Variants in CEP112 observed in about 807,000 individuals in gnomAD.
CEP112 encodes centrosomal protein 112, also known as centrosomal protein of 112 kDa.
A neutral mutation model predicts 153.0 loss-of-function variants in CEP112; 127 were observed. That is an observed-to-expected ratio of 0.83 (90% CI 0.72 to 0.96). The LOEUF (loss-of-function observed/expected upper bound fraction) is 0.96. Ranked by LOEUF, CEP112 falls within the 40% of genes least tolerant of loss-of-function variation. CEP112 has a pLI of 0.00. For synonymous variants in CEP112, 358 were observed against 374.4 expected (o/e 0.96, Z 0.51); for missense variants, 1,089 against 1,101.2 (o/e 0.99, Z 0.16).
intron 22 of CEP112, among the ~76,000 whole-genome samples, chr17:65,743,622 A>C (rs1042246210): frequency 1.3e-5 from 2 of 152,228 alleles, no homozygotes; most frequent in African/African-American, 4.8e-5. Flanking sequence ...TAATGAACAG[A>C]GTTTATTCTT....
intron 17 of CEP112, among the ~76,000 whole-genome samples, chr17:65,991,240 T>C (rs772025989): frequency 5.7e-4 from 87 of 152,348 alleles, no homozygotes; most frequent in Non-Finnish European, 1.0e-3. Flanking sequence ...TATAATTCAT[T>C]GAATTCTAGG....
chr17:65,808,138 A>G (rs190286542), intron 21 of CEP112, among the ~76,000 whole-genome samples: 1 of 152,280 alleles, frequency 6.6e-6, no homozygotes, highest in East Asian at 1.9e-4. Flanking sequence ...TTCAAAGGAG[A>G]TTATTTTGGA....
intron 18 of CEP112, among the ~76,000 whole-genome samples, chr17:65,943,202 C>G (rs1417620377): frequency 1.3e-5 from 2 of 152,224 alleles, no homozygotes; most frequent in African/African-American, 4.8e-5. Context: ...CTAGTGTTCT[C>G]AACAAGAAAA....
rs3056819 is a variant in CEP112, at chr17:66,092,356, A to AAC, written c.768+3893_768+3894dup. ...AGTCCGGCCTTGAAGCATTAATTTAAACACACACACACACACACACACACA... is the reference window on the plus strand; with the variant it reads ...AGTCCGGCCTTGAAGCATTAATTTAAACACACACACACACACACACACACACA... On this transcript the variant is annotated intron_variant, in intron 8 of 26. Transcript: ENST00000535342. 5.2e-3 allele frequency among the ~76,000 whole-genome samples: 699 copies of AAC among 135,118 alleles called. 3 individuals carry two copies. The highest frequency in any genetic ancestry group is 0.018 in the Middle Eastern group (5 of 272). The allele number at this position is 135,118 out of a possible 152,430, so 88.6% of individuals were successfully genotyped here.
chr17:65,868,181 T>C (rs1296667611), intron 20 of CEP112, among the ~76,000 whole-genome samples: 1 of 152,146 alleles, frequency 6.6e-6, no homozygotes, highest in Non-Finnish European at 1.5e-5. Flanking sequence ...AAATAAAATA[T>C]CTCATTTTAC....
intron 21 of CEP112, among the ~76,000 whole-genome samples, chr17:65,848,462 C>T (rs963445488): frequency 2.6e-5 from 4 of 152,070 alleles, no homozygotes; most frequent in East Asian, 1.9e-4. Flanking sequence ...CTTCTACCTT[C>T]GTGACCCTTC....
chr17:65,932,522 T>G (rs1460474893), intron 18 of CEP112, among the ~76,000 whole-genome samples: 2 of 151,308 alleles, frequency 1.3e-5, no homozygotes, highest in Non-Finnish European at 2.9e-5. Context: ...GCCCTGAGAG[T>G]GGAATTTATA....
rs576173614 is a variant in CEP112 at position 65,784,590 on chromosome 17, C to T, written c.2395-33866G>A. ...CTGCCTCCCGGGTTCACGCCATTCT[C>T]CTGCCTTAGCCTCCTGAGTAGCTGG... On this transcript the variant is annotated intron_variant, in intron 21 of 26. Coordinates refer to ENST00000535342, the MANE Select transcript of CEP112 (RefSeq NM_001199165.4). Among the ~76,000 whole-genome samples, 5 of 152,284 alleles carry T rather than the reference C, an allele frequency of 3.3e-5. No homozygotes were observed. The East Asian group carries it at 9.7e-4, about 29-fold the overall frequency.
chr17:65,858,526 A>T (rs939697169), intron 20 of CEP112, among the ~76,000 whole-genome samples: 4 of 151,994 alleles, frequency 2.6e-5, no homozygotes, highest in African/African-American at 9.7e-5. Flanking sequence ...GATCTGGAAT[A>T]TATCCTTTTT....
chr17:66,184,613 G>A (rs1455606079), intron 1 of CEP112, among the ~76,000 whole-genome samples: 1 of 152,106 alleles, frequency 6.6e-6, no homozygotes, highest in Non-Finnish European at 1.5e-5. Flanking sequence ...TGGTGAGGAT[G>A]GACAACAACA....
At chr17:65,817,030 C>A (rs1422139877) in intron 21 of CEP112, among the ~76,000 whole-genome samples, 1 of 151,852 alleles carries the variant, frequency 6.6e-6, no homozygotes, top group Admixed American at 6.6e-5. Flanking sequence ...ACAGAGATTG[C>A]CAAATAAGTA....
At chr17:65,852,744 C>T (rs919820631) in intron 20 of CEP112, among the ~76,000 whole-genome samples, 1 of 151,720 alleles carries the variant, frequency 6.6e-6, no homozygotes, top group Non-Finnish European at 1.5e-5. Flanking sequence ...TGGATTTTTA[C>T]TTTTTATTGA....
At chr17:66,048,450 T>C (rs901727495) in intron 12 of CEP112, among the ~76,000 whole-genome samples, 32 of 152,274 alleles carry the variant, frequency 2.1e-4, no homozygotes, top group African/African-American at 7.7e-4. Context: ...AAAACAAAAT[T>C]AAATCTCTTA....
chr17:65,926,109 G>A (rs2060913838), intron 19 of CEP112, among the ~76,000 whole-genome samples: 1 of 152,016 alleles, frequency 6.6e-6, no homozygotes. Flanking sequence ...TACACAAACC[G>A]GTCCTAACCT....
intron 23 of CEP112, among the ~76,000 whole-genome samples, chr17:65,726,751 C>T (rs2050206529): frequency 6.6e-6 from 1 of 152,112 alleles, no homozygotes; most frequent in African/African-American, 2.4e-5. Context: ...CCTATTGCCC[C>T]CAAATAATCA....
At chr17:65,691,176 G>A (rs1291753722) in intron 23 of CEP112, among the ~76,000 whole-genome samples, 1 of 152,122 alleles carries the variant, frequency 6.6e-6, no homozygotes, top group East Asian at 1.9e-4. Context: ...TGGGGGAGAG[G>A]AGCCGGAGCT....
chr17:65,870,223 T>A (rs1171514249), intron 20 of CEP112, among the ~76,000 whole-genome samples: 1 of 152,170 alleles, frequency 6.6e-6, no homozygotes, highest in Non-Finnish European at 1.5e-5. Context: ...CATTTGTTTT[T>A]TTGTGAGTAA....
chr17:65,825,605 A>G (rs2056800543), intron 21 of CEP112, among the ~76,000 whole-genome samples: 2 of 152,212 alleles, frequency 1.3e-5, no homozygotes. Flanking sequence ...AAAATTCTCG[A>G]GACGGATCGT....
intron 21 of CEP112, among the ~76,000 whole-genome samples, chr17:65,757,508 A>G (rs529213216): frequency 1.6e-4 from 25 of 152,366 alleles, no homozygotes; most frequent in Non-Finnish European, 3.5e-4. Flanking sequence ...CCAGGACTCC[A>G]GGAAGCATCA....
Sources: allele counts gnomAD v4.1 joint callset (sites outside exome capture counted in the v4.1 genomes callset), GRCh38; gene constraint gnomAD v4.1.1; transcripts MANE v1.5; gene names NCBI Gene and HGNC (gene_info 2026-07-23, HGNC 2026-07-21).